ARID1B: variants seen among roughly 807,000 people sequenced by gnomAD.
ARID1B encodes the protein AT-rich interaction domain 1B.
A neutral mutation model predicts 212.3 loss-of-function variants in ARID1B; 30 were observed. That is an observed-to-expected ratio of 0.14 (90% CI 0.11 to 0.19). ARID1B has a LOEUF of 0.19. Ranked by LOEUF, ARID1B falls within the 10% of genes least tolerant of loss-of-function variation. The pLI is 1.00. For synonymous variants in ARID1B, 1,402 were observed against 1,301.7 expected, an observed-to-expected ratio of 1.08 and a Z score of -1.66; for missense variants, 2,891 against 3,204.0, an observed-to-expected ratio of 0.90 and a Z score of 2.36.
At position 157,109,115 on chromosome 6, in the gene ARID1B, G is replaced by A. The variant is rs375370278; in HGVS notation, c.2492-1357G>A. ...TGATTAGACTTAGTAAGGAGTGACCGTCCTGAGAGATTCTGGGACCGTGTC... is the reference window on the plus strand; with the variant it reads ...TGATTAGACTTAGTAAGGAGTGACCATCCTGAGAGATTCTGGGACCGTGTC... On this transcript the variant is annotated intron_variant, in intron 5 of 19. Transcript: ENST00000636930. Among the ~76,000 whole-genome samples, 31 of 152,238 alleles carry A rather than the reference G, an allele frequency of 2.0e-4. No homozygotes were observed. In the East Asian group the frequency reaches 3.5e-3, roughly 17 times the overall value.
chr6:156,778,152 GC>G lies in ARID1B; in HGVS notation c.477del (p.Ala160ProfsTer34). ...PNHKLKTVGE[A>X]PAAPPHQQHH... ...CCACAAACTGAAAACCGTTGGCGAA[GC>G]CCCCGCCGCGCCGCCCCACCAGCAG... On this transcript the variant is annotated frameshift_variant, in exon 1 of 20. Transcript: ENST00000636930. LOFTEE classifies it high-confidence loss of function. 6.5e-7 allele frequency: 1 copy of G among 1,537,718 alleles called. No individual in the cohort carries two copies.
intron 4 of ARID1B, among the ~76,000 whole-genome samples, chr6:156,989,419 A>G (rs1029785881): frequency 6.6e-5 from 10 of 152,362 alleles, no homozygotes; most frequent in Non-Finnish European, 1.3e-4. Context: ...TCACAAGATA[A>G]TACATGTTAA....
intron 4 of ARID1B, among the ~76,000 whole-genome samples, chr6:156,952,117 G>A (rs529471024): frequency 1.9e-4 from 29 of 152,184 alleles, no homozygotes; most frequent in Admixed American, 1.6e-3. Context: ...GAGTTGAATT[G>A]TGAAGAGAGT....
At chr6:156,889,258 C>T (rs4869900) in intron 2 of ARID1B, among the ~76,000 whole-genome samples, 42,854 of 152,138 alleles carry the variant, frequency 0.28, 6,210 homozygotes, top group Non-Finnish European at 0.33. Context: ...ATGCTCTTCT[C>T]TCAGAAGCTG....
intron 7 of ARID1B, among the ~76,000 whole-genome samples, chr6:157,142,393 G>A (rs189880932): frequency 2.6e-5 from 4 of 152,230 alleles, no homozygotes; most frequent in Non-Finnish European, 5.9e-5. Flanking sequence ...TGGGAGGCCC[G>A]CGCGGGTATA....
chr6:157,110,643 CCTT>C (rs1298351756), intron 6 of ARID1B, 82 bp downstream of exon 6: 19 of 1,259,364 alleles, frequency 1.5e-5, no homozygotes, highest in Non-Finnish European at 1.7e-5. Flanking sequence ...CTATGCACCT[CCTT>C]ATCATTAATT....
chr6:157,059,889 A>C (rs1309903983), intron 4 of ARID1B, among the ~76,000 whole-genome samples: 1 of 152,156 alleles, frequency 6.6e-6, no homozygotes, highest in Non-Finnish European at 1.5e-5. Context: ...GGAGGGGAAA[A>C]ATTTATTTCA....
intron 14 of ARID1B, 42 bp downstream of exon 14, chr6:157,189,822 G>A (rs1450031095): frequency 6.8e-6 from 11 of 1,611,210 alleles, no homozygotes; most frequent in Non-Finnish European, 9.3e-6. Flanking sequence ...AGTCACATTT[G>A]TTCATCTTTT....
intron 4 of ARID1B, among the ~76,000 whole-genome samples, chr6:156,951,994 C>T (rs1793624378): frequency 6.6e-6 from 1 of 152,182 alleles, no homozygotes; most frequent in Non-Finnish European, 1.5e-5. Flanking sequence ...CTTTGTTACT[C>T]TGTCCAAAGA....
intron 2 of ARID1B, among the ~76,000 whole-genome samples, chr6:156,876,498 A>G (rs1786564434): frequency 6.6e-6 from 1 of 152,172 alleles, no homozygotes; most frequent in Non-Finnish European, 1.5e-5. Flanking sequence ...CGCCTCCAGC[A>G]TCCCAGTTCC....
chr6:157,020,275 C>G (rs1780142121), intron 4 of ARID1B, among the ~76,000 whole-genome samples: 1 of 152,070 alleles, frequency 6.6e-6, no homozygotes, highest in African/African-American at 2.4e-5. Flanking sequence ...TTTATTCTTG[C>G]TTTTTAACCT....
chr6:156,852,031 A>G (rs1341967770), intron 2 of ARID1B, among the ~76,000 whole-genome samples: 1 of 152,210 alleles, frequency 6.6e-6, no homozygotes, highest in African/African-American at 2.4e-5. Flanking sequence ...GGGTAAAGTT[A>G]TATTTCTATT....
intron 1 of ARID1B, among the ~76,000 whole-genome samples, chr6:156,798,794 ACTTGTGTGGCGAAAAT>A (rs1780571779): frequency 6.6e-6 from 1 of 152,206 alleles, no homozygotes; most frequent in African/African-American, 2.4e-5. Context: ...GGTCATTGCC[ACTTGTGTGGCGAAAAT>A]CTTGGGTTAA....
intron 2 of ARID1B, among the ~76,000 whole-genome samples, chr6:156,879,283 G>C (rs1427859822): frequency 6.6e-6 from 1 of 152,232 alleles, no homozygotes; most frequent in Non-Finnish European, 1.5e-5. Context: ...CTGGTTGACT[G>C]AAGCCATATG....
intron 2 of ARID1B, among the ~76,000 whole-genome samples, chr6:156,876,145 A>T (rs1293070982): frequency 1.3e-5 from 2 of 152,218 alleles, no homozygotes; most frequent in Non-Finnish European, 2.9e-5. Flanking sequence ...CAGGCACTGA[A>T]CAGAATTATT....
intron 8 of ARID1B, among the ~76,000 whole-genome samples, chr6:157,162,708 C>T (rs1450868644): frequency 6.6e-6 from 1 of 152,200 alleles, no homozygotes; most frequent in Non-Finnish European, 1.5e-5. Context: ...TGAACATTGC[C>T]ATTTAAGAGG....
intron 9 of ARID1B, among the ~76,000 whole-genome samples, chr6:157,171,946 T>C (rs901108680): frequency 6.6e-6 from 1 of 152,208 alleles, no homozygotes; most frequent in Admixed American, 6.5e-5. Flanking sequence ...TCATACATAA[T>C]TTATTGTAAA....
At chr6:157,123,248 C>A (rs80353692) in intron 6 of ARID1B, among the ~76,000 whole-genome samples, 1 of 100,214 alleles carries the variant, frequency 1.0e-5, no homozygotes, top group Non-Finnish European at 2.0e-5. Context: ...GCCCCCCCCC[C>A]ACACACACAC....
intron 2 of ARID1B, among the ~76,000 whole-genome samples, chr6:156,839,228 G>A (rs1314199175): frequency 6.6e-6 from 1 of 152,184 alleles, no homozygotes; most frequent in Non-Finnish European, 1.5e-5. Flanking sequence ...TTATAGTTCT[G>A]AAGGCTGAGA....
Sources: gnomAD v4.1 joint callset for allele counts (sites outside exome capture counted in the v4.1 genomes callset) on GRCh38, gnomAD v4.1.1 for gene constraint, MANE v1.5 for transcripts, NCBI Gene and HGNC (gene_info 2026-07-23, HGNC 2026-07-21) for gene names.